The following PRH1 variants were observed in gnomAD, a reference collection of about 807,000 sequenced individuals.
The protein encoded by PRH1 is proline rich protein HaeIII subfamily 1.
Under a neutral mutation model 7.9 loss-of-function variants are expected in PRH1, and 7 were observed. That is an observed-to-expected ratio of 0.89 (90% CI 0.50 to 1.67). The LOEUF is 1.67. Ranked by LOEUF, PRH1 falls within the 40% of genes most tolerant of loss-of-function variation. PRH1 has a pLI of 0.00. For synonymous variants in PRH1, 45 were observed against 80.8 expected, an observed-to-expected ratio of 0.56 and a Z score of 2.38; for missense variants, 109 against 223.6, an observed-to-expected ratio of 0.49 and a Z score of 3.27.
At chr12:10,937,676 A>G (rs952941041) in intron 2 of PRH1, 1 of 152,222 alleles carries the variant, frequency 6.6e-6, no homozygotes, top group African/African-American at 2.4e-5. Context: ...AATAATCATT[A>G]TAAGTCACTA....
intron 2 of PRH1, among the ~76,000 whole-genome samples, chr12:10,905,936 G>T (rs953246774): frequency 6.6e-6 from 1 of 152,186 alleles, no homozygotes; most frequent in African/African-American, 2.4e-5. Flanking sequence ...AACTATTATA[G>T]TGTTTTTTGT....
chr12:11,163,244 G>A (rs1244283549), intron 1 of PRH1, among the ~76,000 whole-genome samples: 1 of 152,126 alleles, frequency 6.6e-6, no homozygotes, highest in Non-Finnish European at 1.5e-5. Context: ...CAGAGCATAT[G>A]ACAGGAAAGA....
At chr12:11,135,151 AT>A (rs1946508775) in intron 1 of PRH1, among the ~76,000 whole-genome samples, 1 of 152,120 alleles carries the variant, frequency 6.6e-6, no homozygotes, top group African/African-American at 2.4e-5. Context: ...ATGTTCAGCA[AT>A]TTTATAAGTA....
intron 1 of PRH1, among the ~76,000 whole-genome samples, chr12:11,151,270 T>C (rs1947072046): frequency 8.3e-6 from 1 of 120,306 alleles, no homozygotes; most frequent in African/African-American, 2.8e-5. Flanking sequence ...CTGGTCATCC[T>C]TGCTTTTTTT....
At chr12:10,986,603 A>G in intron 1 of PRH1, 2 of 1,614,092 alleles carry the variant, frequency 1.2e-6, no homozygotes, top group Non-Finnish European at 1.7e-6. Flanking sequence ...CAACCCAGGC[A>G]TTATAAGAAG....
intron 2 of PRH1, among the ~76,000 whole-genome samples, chr12:10,931,318 G>C (rs557146530): frequency 6.6e-6 from 1 of 152,240 alleles, no homozygotes; most frequent in South Asian, 2.1e-4. Context: ...AAATAGGGTT[G>C]GGAATGAGGA....
chr12:11,125,115 T>A (rs892842385), intron 1 of PRH1, among the ~76,000 whole-genome samples: 87 of 152,228 alleles, frequency 5.7e-4, no homozygotes, highest in African/African-American at 1.9e-3. Context: ...AGTGCTGGGA[T>A]TACAGGCATG....
chr12:11,142,599 C>T (rs1444447560), intron 1 of PRH1, among the ~76,000 whole-genome samples: 1 of 152,094 alleles, frequency 6.6e-6, no homozygotes, highest in Non-Finnish European at 1.5e-5. Context: ...AGGAATTAAT[C>T]GTTTTTCTCA....
intron 1 of PRH1, among the ~76,000 whole-genome samples, chr12:10,995,820 A>T: frequency 6.6e-6 from 1 of 152,186 alleles, no homozygotes; most frequent in East Asian, 1.9e-4. Context: ...ATGGAAACTT[A>T]TAACAGCACT....
At chr12:10,955,943 CCAGACAAACAAACAAAAAAAGCCTAG>C (rs1937934072) in intron 2 of PRH1, among the ~76,000 whole-genome samples, 1 of 151,914 alleles carries the variant, frequency 6.6e-6, no homozygotes, top group African/African-American at 2.4e-5. Context: ...AAAAAGCCTA[CCAGACAAACAAACAAAAAAAGCCTAG>C]GACCTGATAG....
chr12:11,022,020 G>C (rs768870640), intron 1 of PRH1: 2 of 1,613,942 alleles, frequency 1.2e-6, no homozygotes, highest in South Asian at 2.2e-5. Flanking sequence ...AGGGTATGAG[G>C]TTTGCTAGAG....
At chr12:11,126,250 G>A (rs1345323120) in intron 1 of PRH1, among the ~76,000 whole-genome samples, 1 of 152,112 alleles carries the variant, frequency 6.6e-6, no homozygotes, top group Non-Finnish European at 1.5e-5. Context: ...TGTGCCAGTT[G>A]TTACAATAAT....
At chr12:11,151,912 G>A (rs1947102955) in intron 1 of PRH1, among the ~76,000 whole-genome samples, 1 of 149,218 alleles carries the variant, frequency 6.7e-6, no homozygotes, top group African/African-American at 2.5e-5. Context: ...TCACATTTCT[G>A]GAATCAGCAT....
At chr12:11,059,138 T>C (rs1943485525) in intron 1 of PRH1, among the ~76,000 whole-genome samples, 1 of 152,184 alleles carries the variant, frequency 6.6e-6, no homozygotes, top group African/African-American at 2.4e-5. Context: ...AGAAGACAAC[T>C]GAGCAGATAC....
chr12:11,016,859 CAAT>C (rs1397243407), intron 1 of PRH1, among the ~76,000 whole-genome samples: 2 of 152,142 alleles, frequency 1.3e-5, no homozygotes, highest in East Asian at 3.9e-4. Flanking sequence ...CCACTGGCAA[CAAT>C]GATTGAAAAA....
chr12:10,922,866 G>A (rs1490829271), intron 2 of PRH1, among the ~76,000 whole-genome samples: 2 of 111,528 alleles, frequency 1.8e-5, no homozygotes, highest in African/African-American at 6.0e-5. Flanking sequence ...CTGTCGCCCA[G>A]GCCGGACTGC....
intron 1 of PRH1, among the ~76,000 whole-genome samples, chr12:11,096,156 C>T (rs187543655): frequency 8.6e-6 from 1 of 115,976 alleles, no homozygotes; most frequent in East Asian, 2.1e-4. Flanking sequence ...GCTTCTGCCC[C>T]ATTTGCTCTC....
At position 10,990,713 on chromosome 12, in the gene PRH1, G is replaced by A. The variant is rs374263100; in HGVS notation, c.-125-16992C>T. Reference sequence around the variant, plus strand: ...CTAGAAAGAATAATTAGGAGTTGATGGCAATTATCTTGGCTAGGTATGGCA... The same window carrying A: ...CTAGAAAGAATAATTAGGAGTTGATAGCAATTATCTTGGCTAGGTATGGCA... On this transcript the variant is annotated intron_variant, in intron 1 of 3. Transcript: ENST00000539853. 6.6e-5 allele frequency among the ~76,000 whole-genome samples: 10 copies of A among 152,284 alleles called. No individual in the cohort carries two copies. In the South Asian group the frequency reaches 1.2e-3, roughly 19 times the overall value.
chr12:10,900,794 C>G (rs1310434951), intron 2 of PRH1, among the ~76,000 whole-genome samples: 1 of 152,250 alleles, frequency 6.6e-6, no homozygotes, highest in South Asian at 2.1e-4. Flanking sequence ...TCTGCTCCAC[C>G]CTTCTTGTGC....
Sources: gnomAD v4.1 joint callset for allele counts (sites outside exome capture counted in the v4.1 genomes callset) on GRCh38, gnomAD v4.1.1 for gene constraint, MANE v1.5 for transcripts, NCBI Gene and HGNC (gene_info 2026-07-23, HGNC 2026-07-21) for gene names.